The following INSL6 variants were observed in gnomAD, a reference collection of about 807,000 sequenced individuals.
The protein encoded by INSL6 is insulin-like peptide INSL6.
INSL6 carries 16 observed loss-of-function variants against 9.4 expected under a neutral mutation model. That is an observed-to-expected ratio of 1.70 (90% CI 1.15 to 2.59). INSL6 has a LOEUF of 2.59. INSL6 is among the 30% of genes most tolerant of loss of function. INSL6 has a pLI of 0.00. For missense variants in INSL6, 391 were observed against 257.3 expected, an observed-to-expected ratio of 1.52 and a Z score of -3.56; for synonymous variants, 154 against 96.9, an observed-to-expected ratio of 1.59 and a Z score of -3.46.
chr9:5,024,064 G>T, the INSL6 span, among the ~76,000 whole-genome samples: 983 of 152,198 alleles, frequency 6.5e-3, 7 homozygotes, highest in African/African-American at 0.022. Flanking sequence ...AGATCATCCT[G>T]GCTAATATGG....
At chr9:5,160,438 C>T (rs1410147106), downstream of INSL6, among the ~76,000 whole-genome samples, 4 of 152,020 alleles carry the variant, frequency 2.6e-5, no homozygotes, top group Non-Finnish European at 5.9e-5. Flanking sequence ...CTATGCGATA[C>T]AGGGAAAGCA....
chr9:5,137,294 A>G (rs973094328), intron 2 of INSL6, among the ~76,000 whole-genome samples: 1 of 152,228 alleles, frequency 6.6e-6, no homozygotes, highest in Non-Finnish European at 1.5e-5. Flanking sequence ...GAACCAAAAA[A>G]AAGAGCCTGC....
At chr9:5,151,028 T>C (rs1490067961) in intron 2 of INSL6, among the ~76,000 whole-genome samples, 1 of 152,144 alleles carries the variant, frequency 6.6e-6, no homozygotes, top group Non-Finnish European at 1.5e-5. Context: ...ACCTAAATAA[T>C]GTACACACAT....
At chr9:5,144,113 T>C (rs949223905) in intron 2 of INSL6, among the ~76,000 whole-genome samples, 6 of 152,364 alleles carry the variant, frequency 3.9e-5, no homozygotes, top group African/African-American at 1.2e-4. Flanking sequence ...ACTTGAGATC[T>C]TTCTAACTTT....
the INSL6 span, chr9:5,090,947 A>C: frequency 7.3e-7 from 1 of 1,374,608 alleles, no homozygotes; most frequent in Non-Finnish European, 1.0e-6. Context: ...GAAATTTTAG[A>C]GCACAGACTT....
At chr9:5,182,068 T>C (rs1208559218) in intron 1 of INSL6, among the ~76,000 whole-genome samples, 1 of 152,148 alleles carries the variant, frequency 6.6e-6, no homozygotes, top group South Asian at 2.1e-4. Context: ...ACTCTAGATG[T>C]GTATCCCAGA....
At chr9:5,063,961 G>T in the INSL6 span, among the ~76,000 whole-genome samples, 32 of 152,318 alleles carry the variant, frequency 2.1e-4, no homozygotes, top group East Asian at 5.8e-4. Context: ...TTTGAGACCA[G>T]CCTGGCCAAC....
At chr9:5,127,693 T>A in intron 3 of INSL6, 1 of 232,330 alleles carries the variant, frequency 4.3e-6, no homozygotes, top group Admixed American at 5.6e-5. Flanking sequence ...CTTCGATCTC[T>A]GGGATTTATG....
chr9:5,063,505 T>C, the INSL6 span, among the ~76,000 whole-genome samples: 4 of 152,190 alleles, frequency 2.6e-5, no homozygotes, highest in African/African-American at 9.6e-5. Context: ...CTCTCTTATA[T>C]TGGATCTGAT....
chr9:5,044,449 C>T, the INSL6 span: 10 of 1,613,072 alleles, frequency 6.2e-6, no homozygotes, highest in Non-Finnish European at 7.6e-6. Context: ...CAGAGCCTAT[C>T]GGCATGGAAT....
intron 3 of INSL6, chr9:5,126,027 T>C (rs973283288): frequency 1.5e-5 from 3 of 196,716 alleles, no homozygotes; most frequent in Non-Finnish European, 3.1e-5. Flanking sequence ...TGAAATGTAA[T>C]ATGATAAAAA....
the INSL6 span, among the ~76,000 whole-genome samples, chr9:5,093,187 A>G: frequency 1.3e-5 from 2 of 152,228 alleles, no homozygotes; most frequent in East Asian, 3.8e-4. Flanking sequence ...TTTTACAATA[A>G]GCATCCTATT....
chr9:5,075,243 C>T, the INSL6 span, among the ~76,000 whole-genome samples: 6 of 152,154 alleles, frequency 3.9e-5, no homozygotes, highest in Non-Finnish European at 8.8e-5. Context: ...GCAAGTTATC[C>T]AGAAGATCTA....
chr9:5,035,129 C>T, the INSL6 span, among the ~76,000 whole-genome samples: 1 of 152,156 alleles, frequency 6.6e-6, no homozygotes, highest in South Asian at 2.1e-4. Context: ...ACTAGAAAAT[C>T]TAGAATAAAT....
the INSL6 span, among the ~76,000 whole-genome samples, chr9:5,038,596 ATTTTT>A: frequency 6.8e-6 from 1 of 146,492 alleles, no homozygotes. Context: ...TGGATTTTAG[ATTTTT>A]TTTTTTTTTT....
chr9:5,044,435 G>C, the INSL6 span: 1 of 1,612,856 alleles, frequency 6.2e-7, no homozygotes, highest in Non-Finnish European at 8.5e-7. Flanking sequence ...TGCAGTGGCA[G>C]CAACAGAGCC....
chr9:5,111,161 C>A, the INSL6 span: 4 of 790,166 alleles, frequency 5.1e-6, no homozygotes, highest in Non-Finnish European at 8.3e-6. Context: ...CTTGCTGAGT[C>A]GCACGGCAGC....
chr9:5,182,072 T>A (rs189216541), intron 1 of INSL6, among the ~76,000 whole-genome samples: 1 of 152,182 alleles, frequency 6.6e-6, no homozygotes, highest in African/African-American at 2.4e-5. Flanking sequence ...TAGATGTGTA[T>A]CCCAGAAACA....
At chr9:5,163,226 G>C (rs12339241), downstream of INSL6, among the ~76,000 whole-genome samples, 224 of 152,288 alleles carry the variant, frequency 1.5e-3, 1 homozygote, top group African/African-American at 5.1e-3. Flanking sequence ...ACGTGATGCT[G>C]ATGCTGCCGA....
Sources: gnomAD v4.1 joint callset for allele counts (sites outside exome capture counted in the v4.1 genomes callset) on GRCh38, gnomAD v4.1.1 for gene constraint, MANE v1.5 for transcripts, NCBI Gene and HGNC (gene_info 2026-07-23, HGNC 2026-07-21) for gene names.